The following FRMD3 variants were observed in gnomAD, a reference collection of about 807,000 sequenced individuals.
The protein encoded by FRMD3 is FERM domain-containing protein 3.
In FRMD3, 33 loss-of-function variants were observed where a neutral mutation model predicts 70.2. The observed-to-expected ratio is 0.47, with a 90% confidence interval of 0.36 to 0.63. The LOEUF (loss-of-function observed/expected upper bound fraction) is 0.63, where lower values mean the gene tolerates loss of function less well. Ranked by LOEUF, FRMD3 falls within the 20% of genes least tolerant of loss-of-function variation. The pLI, the probability that FRMD3 is intolerant of heterozygous loss-of-function variation, is 0.00. For synonymous variants in FRMD3, 279 were observed against 255.9 expected (o/e 1.09, Z -0.86); for missense variants, 632 against 711.4 (o/e 0.89, Z 1.27).
At chr9:83,399,225 G>T (rs1460052730) in intron 1 of FRMD3, among the ~76,000 whole-genome samples, 2 of 152,190 alleles carry the variant, frequency 1.3e-5, no homozygotes, top group Non-Finnish European at 2.9e-5. Context: ...TGTCACAGTT[G>T]AATAATCAGT....
chr9:83,549,408 C>T, the FRMD3 span, among the ~76,000 whole-genome samples: 2 of 151,990 alleles, frequency 1.3e-5, no homozygotes, highest in African/African-American at 4.8e-5. Flanking sequence ...AGTACTGCCA[C>T]GAATATTTGT....
At chr9:83,450,837 A>G (rs1053280509) in intron 1 of FRMD3, among the ~76,000 whole-genome samples, 2 of 152,234 alleles carry the variant, frequency 1.3e-5, no homozygotes, top group Non-Finnish European at 2.9e-5. Flanking sequence ...GCACTCACGG[A>G]GTAACTCAAA....
intron 3 of FRMD3, among the ~76,000 whole-genome samples, chr9:83,359,542 C>T (rs1394804690): frequency 2.6e-5 from 4 of 152,052 alleles, no homozygotes; most frequent in Non-Finnish European, 5.9e-5. Context: ...TTGGAAGGCT[C>T]GAGTTTTCTG....
At chr9:83,311,841 C>T (rs1443089674) in intron 8 of FRMD3, 46 bp downstream of exon 8, 1 of 1,351,830 alleles carries the variant, frequency 7.4e-7, no homozygotes, top group Non-Finnish European at 1.1e-6. Context: ...ACGGAGGAAT[C>T]AAGATTAAGA....
chr9:83,390,695 C>T (rs774095962), intron 1 of FRMD3, among the ~76,000 whole-genome samples: 5 of 152,194 alleles, frequency 3.3e-5, no homozygotes, highest in Non-Finnish European at 7.3e-5. Context: ...AGCAAAGACC[C>T]TTCTAAGCCC....
At position 83,487,194 on chromosome 9, in the gene FRMD3, G is replaced by A. The variant is rs370348516; in HGVS notation, c.147+50891C>T. On this transcript the variant is annotated intron_variant, in intron 1 of 13. Transcript: ENST00000304195. ...TCAAGAAGTAAAATTTATGCCAGTAGTCACAAACCTGTGTGGGAAAAATAC... is the reference window on the plus strand; with the variant it reads ...TCAAGAAGTAAAATTTATGCCAGTAATCACAAACCTGTGTGGGAAAAATAC... Among the ~76,000 whole-genome samples the A allele has an allele frequency of 3.3e-5, 5 of 152,160 alleles. No homozygotes were observed. In the East Asian group the frequency reaches 9.6e-4, roughly 29 times the overall value.
intron 2 of FRMD3, among the ~76,000 whole-genome samples, chr9:83,384,905 G>A (rs967283314): frequency 6.6e-6 from 1 of 152,168 alleles, no homozygotes; most frequent in Admixed American, 6.5e-5. Flanking sequence ...CCATAAAGCA[G>A]CATCCTACAA....
intron 1 of FRMD3, among the ~76,000 whole-genome samples, chr9:83,423,986 A>G (rs1364665209): frequency 6.6e-6 from 1 of 152,150 alleles, no homozygotes; most frequent in Non-Finnish European, 1.5e-5. Flanking sequence ...TCATCACAGA[A>G]AGTTCTATCG....
At chr9:83,423,028 C>T (rs373550188) in intron 1 of FRMD3, among the ~76,000 whole-genome samples, 3 of 152,082 alleles carry the variant, frequency 2.0e-5, no homozygotes, top group South Asian at 4.1e-4. Flanking sequence ...TATTTGAACT[C>T]GAGTTCTCCA....
chr9:83,540,965 T>A (rs145150674), upstream of FRMD3, among the ~76,000 whole-genome samples: 87 of 152,336 alleles, frequency 5.7e-4, no homozygotes, highest in South Asian at 7.5e-3. Context: ...GGAATAAGAA[T>A]AGGACTATAA....
At position 83,482,526 on chromosome 9, in the gene FRMD3, G is replaced by A. The variant is rs148973541; in HGVS notation, c.147+55559C>T. 1.4e-3 allele frequency among the ~76,000 whole-genome samples: 210 copies of A among 152,298 alleles called. 1 individual carries two copies. The highest frequency in any genetic ancestry group is 5.0e-3 in the African/African-American group (208 of 41,556). On this transcript the variant is annotated intron_variant, in intron 1 of 13. Coordinates refer to ENST00000304195, the MANE Select transcript of FRMD3 (RefSeq NM_174938.6). ...GTAAATTCTGCTAGGTTTAGGGGAT[G>A]GAGACAGGTGTACAATGTGGGATTA...
chr9:83,315,052 G>GT lies in FRMD3; in HGVS notation c.597-1306dup, dbSNP rs147950545. ...ATTCTGCTGCTTCTGTCATTGATATGTTTTTTTTTTAAATATCAATGAAAT... is the reference window on the plus strand; with the variant it reads ...ATTCTGCTGCTTCTGTCATTGATATGTTTTTTTTTTTAAATATCAATGAAAT... On this transcript the variant is annotated intron_variant, in intron 6 of 13. Coordinates refer to ENST00000304195, the MANE Select transcript of FRMD3 (RefSeq NM_174938.6). Among the ~76,000 whole-genome samples, 180 of 149,130 alleles carry GT rather than the reference G, an allele frequency of 1.2e-3. 1 individual carries two copies. Among genetic ancestry groups the GT allele is most frequent in the South Asian group, 3.6e-3 (17 of 4,684 alleles).
the FRMD3 span, among the ~76,000 whole-genome samples, chr9:83,576,632 C>T: frequency 6.6e-6 from 1 of 151,998 alleles, no homozygotes; most frequent in Admixed American, 6.6e-5. Context: ...TATGTTATTC[C>T]CCTCTATGTG....
chr9:83,566,617 A>G, the FRMD3 span, among the ~76,000 whole-genome samples: 60,473 of 152,082 alleles, frequency 0.4, 12,342 homozygotes, highest in Middle Eastern at 0.49. Context: ...ATGGGGGTAC[A>G]GTATTGGGTA....
chr9:83,541,031 A>C (rs538049220), upstream of FRMD3, among the ~76,000 whole-genome samples: 8 of 152,350 alleles, frequency 5.3e-5, no homozygotes, highest in East Asian at 1.5e-3. Context: ...TTGGCAGCAG[A>C]AGCATGCCCT....
At chr9:83,507,716 A>C (rs1198533214) in intron 1 of FRMD3, among the ~76,000 whole-genome samples, 33 of 105,838 alleles carry the variant, frequency 3.1e-4, no homozygotes, top group Non-Finnish European at 5.2e-4. Context: ...ATATATATAT[A>C]TATATATATA....
intron 1 of FRMD3, among the ~76,000 whole-genome samples, chr9:83,482,262 T>C (rs913679863): frequency 1.3e-5 from 2 of 152,194 alleles, no homozygotes; most frequent in Non-Finnish European, 2.9e-5. Context: ...CCCTACCAGA[T>C]GATTTCGACA....
chr9:83,271,447 A>T (rs1833548425), intron 13 of FRMD3, among the ~76,000 whole-genome samples: 2 of 152,294 alleles, frequency 1.3e-5, no homozygotes. Flanking sequence ...TTATGATAGG[A>T]GGGGTATATT....
Position 83,248,026 on chromosome 9 carries a change from G to T in FRMD3, c.1686C>A (p.Ile562=). The T allele has an allele frequency of 6.2e-7, 1 of 1,614,150 alleles. No individual in the cohort carries two copies. Among genetic ancestry groups the T allele is most frequent in the Non-Finnish European group, 8.5e-7 (1 of 1,180,030 alleles). ...SGIDLSFLCE[I]RQTPEFEQFH... ...ACTGCTCAAACTCTGGTGTCTGGCG[G>T]ATTTCGCATAAGAAGGAGAGATCAA... The change falls in exon 14 of 14, where the codon ATC becomes ATA. Residue 562 remains isoleucine (I), a synonymous_variant. Transcript: ENST00000304195.
Sources: gnomAD v4.1 joint callset for allele counts (sites outside exome capture counted in the v4.1 genomes callset) on GRCh38, gnomAD v4.1.1 for gene constraint, MANE v1.5 for transcripts, NCBI Gene and HGNC (gene_info 2026-07-23, HGNC 2026-07-21) for gene names.